The following ATF1 variants were observed in gnomAD, a reference collection of about 807,000 sequenced individuals.
ATF1 encodes activating transcription factor 1.
A neutral mutation model predicts 34.7 loss-of-function variants in ATF1; 16 were observed. The observed-to-expected ratio is 0.46, with a 90% CI of 0.31 to 0.70. ATF1 has a LOEUF of 0.70. Ranked by LOEUF, ATF1 falls within the 30% of genes least tolerant of loss-of-function variation. The probability of loss-of-function intolerance (pLI) is 0.05; values close to 1 mark genes in which losing one functional copy is unlikely to be tolerated. For synonymous variants in ATF1, 105 were observed against 113.1 expected (o/e 0.93, Z 0.46); for missense variants, 255 against 321.6 (o/e 0.79, Z 1.58).
intron 3 of ATF1, among the ~76,000 whole-genome samples, chr12:50,807,902 C>A (rs12309321): frequency 2.0e-5 from 3 of 151,672 alleles, no homozygotes; most frequent in Non-Finnish European, 4.4e-5. Flanking sequence ...CTCCACCTCC[C>A]GGGTTCAAGC....
chr12:50,807,817 T>G (rs1002279868), intron 3 of ATF1, among the ~76,000 whole-genome samples: 7 of 151,136 alleles, frequency 4.6e-5, no homozygotes, highest in African/African-American at 7.3e-5. Context: ...TTTTTTGTTT[T>G]TTTTTTTTTT....
Position 50,794,995 on chromosome 12 carries a change from C to T in ATF1, c.94-914C>T, listed in dbSNP as rs1423170624. Among the ~76,000 whole-genome samples, 4 of 152,212 alleles carry T rather than the reference C, an allele frequency of 2.6e-5. No individual in the cohort carries two copies. In the East Asian group the frequency reaches 7.7e-4, roughly 29 times the overall value. On this transcript the variant is annotated intron_variant, in intron 2 of 6. Transcript: ENST00000262053. Reference sequence around the variant, plus strand: ...TCTCAATTGTAAAATATTGCTATAACTTGCATATTATATTGATGTAGTTTA... The same window carrying T: ...TCTCAATTGTAAAATATTGCTATAATTTGCATATTATATTGATGTAGTTTA...
intron 1 of ATF1, among the ~76,000 whole-genome samples, chr12:50,770,658 A>T (rs1940747347): frequency 6.6e-6 from 1 of 152,204 alleles, no homozygotes; most frequent in African/African-American, 2.4e-5. Context: ...TCTTACCATA[A>T]TTTGTCTTTA....
chr12:50,798,766 CGTAA>C (rs1397934743), intron 3 of ATF1, among the ~76,000 whole-genome samples: 7 of 152,072 alleles, frequency 4.6e-5, no homozygotes, highest in African/African-American at 1.7e-4. Context: ...ACATAAACCA[CGTAA>C]GTGAGAATTG....
chr12:50,776,579 T>A (rs1226604160), intron 1 of ATF1, among the ~76,000 whole-genome samples: 1 of 151,428 alleles, frequency 6.6e-6, no homozygotes, highest in African/African-American at 2.4e-5. Flanking sequence ...CTCATACAAC[T>A]AATGGAGAAT....
intron 3 of ATF1, among the ~76,000 whole-genome samples, chr12:50,801,718 CAT>C (rs1057057066): frequency 3.9e-5 from 6 of 152,248 alleles, no homozygotes; most frequent in East Asian, 1.9e-4. Context: ...AAACAAAAAA[CAT>C]ATGATCATCG....
chr12:50,771,824 T>C (rs1940778223), intron 1 of ATF1, among the ~76,000 whole-genome samples: 1 of 151,986 alleles, frequency 6.6e-6, no homozygotes, highest in South Asian at 2.1e-4. Context: ...GCCACGAGAG[T>C]GACCTCTGGT....
chr12:50,794,722 C>T (rs1404777207), intron 2 of ATF1, among the ~76,000 whole-genome samples: 1 of 151,776 alleles, frequency 6.6e-6, no homozygotes. Context: ...GAGTTTGACA[C>T]CAGCCAGGGT....
At chr12:50,806,241 T>A (rs1211268640) in intron 3 of ATF1, 44 of 182,016 alleles carry the variant, frequency 2.4e-4, no homozygotes, top group Non-Finnish European at 3.7e-5. Flanking sequence ...CAAAGGTCAT[T>A]TTCAGCTAGG....
intron 1 of ATF1, among the ~76,000 whole-genome samples, chr12:50,769,352 A>C (rs1229854496): frequency 6.6e-6 from 1 of 152,130 alleles, no homozygotes; most frequent in Non-Finnish European, 1.5e-5. Flanking sequence ...CAAAAAATAC[A>C]AAAGTTAGCC....
intron 2 of ATF1, among the ~76,000 whole-genome samples, chr12:50,791,354 G>A (rs1421972578): frequency 6.6e-6 from 1 of 152,096 alleles, no homozygotes. Flanking sequence ...TCAGGAGTTC[G>A]AGACCAGCCT....
intron 3 of ATF1, among the ~76,000 whole-genome samples, chr12:50,808,788 G>A (rs879567948): frequency 8.6e-5 from 13 of 150,654 alleles, no homozygotes; most frequent in Admixed American, 6.6e-4. Flanking sequence ...CGCCCAGGCT[G>A]GAGTGCAGTG....
At chr12:50,785,645 T>C (rs1941171775) in intron 2 of ATF1, among the ~76,000 whole-genome samples, 1 of 152,210 alleles carries the variant, frequency 6.6e-6, no homozygotes, top group African/African-American at 2.4e-5. Context: ...AGCAGGAGGC[T>C]AGACTAGAGA....
chr12:50,768,325 T>C (rs1484008019), intron 1 of ATF1, among the ~76,000 whole-genome samples: 2 of 152,230 alleles, frequency 1.3e-5, no homozygotes, highest in East Asian at 1.9e-4. Flanking sequence ...GGAGGTTACC[T>C]TTGATAAAAT....
chr12:50,788,584 G>T (rs2139661515), intron 2 of ATF1, among the ~76,000 whole-genome samples: 1 of 151,950 alleles, frequency 6.6e-6, no homozygotes, highest in South Asian at 2.1e-4. Flanking sequence ...CTGCCCTCCA[G>T]TGATCCTCCT....
chr12:50,788,326 G>A (rs60010120), intron 2 of ATF1: 2 of 414,330 alleles, frequency 4.8e-6, no homozygotes, highest in African/African-American at 2.1e-5. Flanking sequence ...GGGACCACAG[G>A]TGTGTGCCAT....
At chr12:50,778,924 C>T (rs1940993396) in intron 1 of ATF1, among the ~76,000 whole-genome samples, 1 of 152,178 alleles carries the variant, frequency 6.6e-6, no homozygotes, top group Non-Finnish European at 1.5e-5. Flanking sequence ...TCCATTTGCT[C>T]CTTCCCTTAG....
At chr12:50,806,695 G>GA (rs60568482) in intron 3 of ATF1, among the ~76,000 whole-genome samples, 3,787 of 138,970 alleles carry the variant, frequency 0.027, 134 homozygotes, top group African/African-American at 0.087. Flanking sequence ...GTGTACTTGT[G>GA]AAAAAAAAAA....
At chr12:50,806,250 G>C (rs892344928) in intron 3 of ATF1, 2 of 187,408 alleles carry the variant, frequency 1.1e-5, no homozygotes, top group South Asian at 2.0e-4. Context: ...TTTTCAGCTA[G>C]GAAAGTTCTG....
Sources: gnomAD v4.1 joint callset for allele counts (sites outside exome capture counted in the v4.1 genomes callset) on GRCh38, gnomAD v4.1.1 for gene constraint, MANE v1.5 for transcripts, NCBI Gene and HGNC (gene_info 2026-07-23, HGNC 2026-07-21) for gene names.